The following EDAR variants were observed in gnomAD, a reference collection of about 807,000 sequenced individuals.
EDAR encodes the protein tumor necrosis factor receptor superfamily member EDAR.
A neutral mutation model predicts 51.3 loss-of-function variants in EDAR; 38 were observed. That is an observed-to-expected ratio of 0.74 (90% CI 0.57 to 0.97). The LOEUF (loss-of-function observed/expected upper bound fraction) is 0.97, where lower values mean the gene tolerates loss of function less well. EDAR is among the 50% of genes least tolerant of loss of function. The pLI, the probability that EDAR is intolerant of heterozygous loss-of-function variation, is 0.00. For synonymous variants in EDAR, 227 were observed against 242.1 expected (o/e 0.94, Z 0.58); for missense variants, 528 against 595.0 (o/e 0.89, Z 1.17).
rs112910406 is a variant in EDAR, at chr2:108,935,963, C to T, written c.-18-4931G>A. 3.0e-3 allele frequency among the ~76,000 whole-genome samples: 450 copies of T among 152,348 alleles called. 3 individuals are homozygous for T. The highest frequency in any genetic ancestry group is 1.0e-2 in the African/African-American group (415 of 41,570). Reference sequence around the variant, plus strand: ...GGTGGTGTGGCTTTGACTGTCTATACTTGTCATCACGGCTGCCTCCAGAGC... The same window carrying T: ...GGTGGTGTGGCTTTGACTGTCTATATTTGTCATCACGGCTGCCTCCAGAGC... On this transcript the variant is annotated intron_variant, in intron 1 of 11. Transcript: ENST00000258443.
intron 4 of EDAR, among the ~76,000 whole-genome samples, chr2:108,928,220 G>A (rs1227553409): frequency 3.3e-5 from 5 of 152,174 alleles, no homozygotes; most frequent in Non-Finnish European, 7.3e-5. Context: ...CAGCTGCTCA[G>A]CCCTCTGAAC....
intron 11 of EDAR, among the ~76,000 whole-genome samples, chr2:108,899,531 C>T (rs1163189032): frequency 6.6e-6 from 1 of 152,198 alleles, no homozygotes; most frequent in African/African-American, 2.4e-5. Context: ...AATAGACTTT[C>T]CTTCTCTTTT....
At chr2:108,966,472 G>A (rs13427308) in intron 1 of EDAR, among the ~76,000 whole-genome samples, 1,710 of 152,320 alleles carry the variant, frequency 0.011, 28 homozygotes, top group African/African-American at 0.038. Flanking sequence ...TCATCTCGCG[G>A]GCCCCGGTGC....
chr2:108,898,571 GA>G (rs1696642966), intron 11 of EDAR, among the ~76,000 whole-genome samples: 1 of 152,044 alleles, frequency 6.6e-6, no homozygotes, highest in African/African-American at 2.4e-5. Context: ...CAAGAACCAA[GA>G]AGATGTCAAA....
intron 9 of EDAR, among the ~76,000 whole-genome samples, chr2:108,908,231 C>T (rs926883924): frequency 1.3e-5 from 2 of 152,076 alleles, no homozygotes; most frequent in African/African-American, 2.4e-5. Context: ...TCCAAACAAA[C>T]AAGTCCGTGG....
At chr2:108,934,891 T>A (rs1697436631) in intron 1 of EDAR, among the ~76,000 whole-genome samples, 1 of 152,194 alleles carries the variant, frequency 6.6e-6, no homozygotes, top group Non-Finnish European at 1.5e-5. Flanking sequence ...TGGAAATGTC[T>A]CTTCCCACCT....
intron 4 of EDAR, among the ~76,000 whole-genome samples, 179 bp from the exon 5 acceptor site, chr2:108,923,632 A>G (rs534458369): frequency 1.1e-3 from 165 of 152,326 alleles, no homozygotes; most frequent in Non-Finnish European, 1.9e-3. Context: ...GCCTGTCTTG[A>G]AATGGAGCAT....
intron 4 of EDAR, among the ~76,000 whole-genome samples, chr2:108,923,668 C>A (rs994286974): frequency 2.0e-5 from 3 of 152,258 alleles, no homozygotes; most frequent in Non-Finnish European, 4.4e-5. Context: ...GAGCTGCCAA[C>A]GTGGGCCTTT....
intron 5 of EDAR, among the ~76,000 whole-genome samples, chr2:108,913,366 A>G (rs1304079430): frequency 6.6e-6 from 1 of 152,268 alleles, no homozygotes; most frequent in African/African-American, 2.4e-5. Context: ...GAGACAAAGT[A>G]TATGAAATCC....
intron 1 of EDAR, among the ~76,000 whole-genome samples, chr2:108,939,101 T>C (rs1357070921): frequency 6.6e-6 from 1 of 152,104 alleles, no homozygotes; most frequent in African/African-American, 2.4e-5. Context: ...TATATAAGCA[T>C]AGTAACATGA....
chr2:108,912,641 T>G, intron 6 of EDAR, 37 bp downstream of exon 6: 1 of 1,537,896 alleles, frequency 6.5e-7, no homozygotes, highest in Non-Finnish European at 8.8e-7. Flanking sequence ...GAGTACCACC[T>G]AACTCCAGGT....
At chr2:108,975,925 C>A (rs1030890523) in intron 1 of EDAR, among the ~76,000 whole-genome samples, 28 of 152,292 alleles carry the variant, frequency 1.8e-4, no homozygotes, top group African/African-American at 6.0e-4. Flanking sequence ...CAAGGGATTT[C>A]TTCTGCTTTA....
At chr2:108,953,211 G>A (rs538384963) in intron 1 of EDAR, among the ~76,000 whole-genome samples, 1 of 152,136 alleles carries the variant, frequency 6.6e-6, no homozygotes, top group Non-Finnish European at 1.5e-5. Flanking sequence ...TGGCTAAGCC[G>A]ATGCTTCAGA....
intron 4 of EDAR, among the ~76,000 whole-genome samples, chr2:108,925,469 G>A (rs1437733534): frequency 6.6e-6 from 1 of 152,194 alleles, no homozygotes; most frequent in African/African-American, 2.4e-5. Flanking sequence ...GGAGGGTGGT[G>A]GCTCTGTCCC....
chr2:108,945,070 C>T (rs1021302660), intron 1 of EDAR, among the ~76,000 whole-genome samples: 2 of 152,146 alleles, frequency 1.3e-5, no homozygotes, highest in African/African-American at 4.8e-5. Context: ...GTGCTTTCTG[C>T]CCTTGAATGC....
chr2:108,961,446 C>T (rs1039139671), intron 1 of EDAR, among the ~76,000 whole-genome samples: 7 of 152,128 alleles, frequency 4.6e-5, no homozygotes, highest in Admixed American at 4.6e-4. Context: ...CTGGGACCAG[C>T]CACCCTCCTT....
intron 1 of EDAR, among the ~76,000 whole-genome samples, chr2:108,981,502 C>T (rs1698419833): frequency 6.6e-6 from 1 of 152,220 alleles, no homozygotes; most frequent in East Asian, 1.9e-4. Context: ...CGCTCTAGCT[C>T]CCAGCATCCT....
chr2:108,907,865 C>T lies in EDAR; in HGVS notation c.958G>A (p.Ala320Thr). The T allele has an allele frequency of 6.2e-7, 1 of 1,613,542 alleles. No individual in the cohort carries two copies. Among genetic ancestry groups the T allele is most frequent in the Non-Finnish European group, 8.5e-7 (1 of 1,180,016 alleles). Residue 320 changes from alanine to threonine, a missense_variant, in exon 10 of 12, where the codon GCC (alanine) becomes ACC (threonine). Ala to Thr is a moderately conservative substitution (Grantham distance 58). Coordinates refer to ENST00000258443, the MANE Select transcript of EDAR (RefSeq NM_022336.4). ...GGCACCTGCAGGAGCCTCACCCCGG[C>T]TGACTTGTTGCTGGTGGCAGACTTC... ...REKSATSNKS[A>T]GIQSRRKKIL...
intron 1 of EDAR, among the ~76,000 whole-genome samples, chr2:108,947,014 C>A (rs1298701432): frequency 6.6e-6 from 1 of 152,178 alleles, no homozygotes; most frequent in African/African-American, 2.4e-5. Context: ...ATCCCTTCTG[C>A]CTATAAGCCT....
Sources: gnomAD v4.1 joint callset for allele counts (sites outside exome capture counted in the v4.1 genomes callset) on GRCh38, gnomAD v4.1.1 for gene constraint, MANE v1.5 for transcripts, NCBI Gene and HGNC (gene_info 2026-07-23, HGNC 2026-07-21) for gene names.